Variants in PPARG observed in about 807,000 individuals in gnomAD.
PPARG encodes the protein peroxisome proliferator-activated receptor gamma.
In PPARG, 17 loss-of-function variants were observed where a neutral mutation model predicts 39.2. The ratio of observed to expected loss-of-function variants is 0.43; its 90% CI spans 0.30 to 0.65. The LOEUF is 0.65. Ranked by LOEUF, PPARG falls within the 30% of genes least tolerant of loss-of-function variation. The pLI is 0.13. For synonymous variants in PPARG, 223 were observed against 215.7 expected (o/e 1.03, Z -0.30); for missense variants, 406 against 585.9 (o/e 0.69, Z 3.17).
At chr3:12,396,994 C>T (rs887181667) in intron 5 of PPARG, among the ~76,000 whole-genome samples, 1 of 152,004 alleles carries the variant, frequency 6.6e-6, no homozygotes, top group Non-Finnish European at 1.5e-5. Context: ...CTGCACCTGA[C>T]CTATTTAAGA....
At chr3:12,349,801 A>G (rs1360249825) in intron 2 of PPARG, among the ~76,000 whole-genome samples, 1 of 152,210 alleles carries the variant, frequency 6.6e-6, no homozygotes, top group Non-Finnish European at 1.5e-5. Context: ...GATGCTATGG[A>G]ATAATAAATT....
At chr3:12,304,829 A>G (rs998900692) in intron 1 of PPARG, among the ~76,000 whole-genome samples, 2 of 152,212 alleles carry the variant, frequency 1.3e-5, no homozygotes, top group Non-Finnish European at 1.5e-5. Context: ...TCGCATTTAT[A>G]TGTAATAACA....
rs777385857 is a variant in PPARG at position 12,320,020 on chromosome 3, G to A, written c.-9+7567G>A. Among the ~76,000 whole-genome samples, 4 of 152,204 alleles carry A rather than the reference G, an allele frequency of 2.6e-5. No individual in the cohort carries two copies. The East Asian group carries it at 5.8e-4, about 22-fold the overall frequency. On this transcript the variant is annotated intron_variant, in intron 2 of 7. Coordinates refer to ENST00000651735, the MANE Select transcript of PPARG (RefSeq NM_138711.6). ...CTCGAGCTAACAGTCACCGGTACACGCTAATCAGTGCCCCACTCACTGGTC... is the reference window on the plus strand; with the variant it reads ...CTCGAGCTAACAGTCACCGGTACACACTAATCAGTGCCCCACTCACTGGTC...
intron 4 of PPARG, among the ~76,000 whole-genome samples, chr3:12,383,113 C>G (rs2049743458): frequency 6.6e-6 from 1 of 152,212 alleles, no homozygotes; most frequent in African/African-American, 2.4e-5. Context: ...AGCTCTGCCA[C>G]TTTCCAAAGT....
chr3:12,429,259 C>T (rs952116362), intron 7 of PPARG, among the ~76,000 whole-genome samples: 1 of 152,160 alleles, frequency 6.6e-6, no homozygotes, highest in South Asian at 2.1e-4. Flanking sequence ...AACCAGATCC[C>T]TCTCCACTCC....
At chr3:12,329,877 G>A (rs1438781377) in intron 2 of PPARG, among the ~76,000 whole-genome samples, 1 of 152,084 alleles carries the variant, frequency 6.6e-6, no homozygotes, top group Non-Finnish European at 1.5e-5. Flanking sequence ...TCATATAAGT[G>A]GACTCATATA....
intron 1 of PPARG, among the ~76,000 whole-genome samples, chr3:12,306,478 A>G (rs1034486902): frequency 1.3e-5 from 2 of 152,234 alleles, no homozygotes; most frequent in East Asian, 3.9e-4. Context: ...AAAAACTAGG[A>G]TTTGAACCCA....
intron 6 of PPARG, among the ~76,000 whole-genome samples, chr3:12,411,982 GCA>G (rs1352125933): frequency 6.6e-6 from 1 of 152,142 alleles, no homozygotes; most frequent in East Asian, 1.9e-4. Flanking sequence ...ACTCGATGAG[GCA>G]CACATTTTTC....
intron 2 of PPARG, among the ~76,000 whole-genome samples, chr3:12,313,744 C>A (rs902056337): frequency 6.6e-6 from 1 of 152,108 alleles, no homozygotes; most frequent in African/African-American, 2.4e-5. Context: ...AAAGCTGGAA[C>A]AATTTCATCA....
chr3:12,351,213 A>T (rs2048476044), intron 2 of PPARG, among the ~76,000 whole-genome samples: 1 of 152,228 alleles, frequency 6.6e-6, no homozygotes, highest in Admixed American at 6.5e-5. Context: ...ATGCAAGTGG[A>T]TATTGAACAG....
At chr3:12,304,305 C>A (rs945847648) in intron 1 of PPARG, among the ~76,000 whole-genome samples, 1 of 152,172 alleles carries the variant, frequency 6.6e-6, no homozygotes, top group Non-Finnish European at 1.5e-5. Flanking sequence ...GGTGAAATAA[C>A]TTTTATTATT....
intron 7 of PPARG, among the ~76,000 whole-genome samples, chr3:12,419,651 T>C (rs564201962): frequency 5.8e-4 from 88 of 152,002 alleles, no homozygotes; most frequent in African/African-American, 2.0e-3. Flanking sequence ...GCATTTTTAC[T>C]AGAGACAGGG....
At position 12,416,684 on chromosome 3, in the gene PPARG, T is replaced by C. The variant is rs755968046; in HGVS notation, c.730-20T>C. 1.2e-6 allele frequency: 2 copies of C among 1,607,432 alleles called. No homozygotes were observed. The highest frequency in any genetic ancestry group is 3.4e-5 in the Admixed American group (2 of 59,548). On this transcript the variant is annotated intron_variant, in intron 6 of 7. Coordinates refer to ENST00000651735, the MANE Select transcript of PPARG (RefSeq NM_138711.6). ...TTAGAAATCTCCAAGTCATCCACGT[T>C]TTCCCTGTTTTATTTGCAGCCATTC...
chr3:12,412,177 C>T (rs967869605), intron 6 of PPARG, among the ~76,000 whole-genome samples: 8 of 152,234 alleles, frequency 5.3e-5, no homozygotes, highest in African/African-American at 1.9e-4. Context: ...GGAGTGTAAA[C>T]TTAGGGCATT....
chr3:12,390,637 C>CTTTTTTTTTT (rs35190152), intron 4 of PPARG, among the ~76,000 whole-genome samples: 3 of 92,354 alleles, frequency 3.2e-5, no homozygotes, highest in East Asian at 3.1e-4. Flanking sequence ...TATTTTCTTC[C>CTTTTTTTTTT]TTTTTTTTTT....
chr3:12,314,268 C>A (rs1396782796), intron 2 of PPARG, among the ~76,000 whole-genome samples: 1 of 149,450 alleles, frequency 6.7e-6, no homozygotes, highest in Non-Finnish European at 1.5e-5. Flanking sequence ...CAGCAAGACT[C>A]CCTCTCAAAA....
intron 5 of PPARG, among the ~76,000 whole-genome samples, chr3:12,396,208 G>A (rs944515719): frequency 9.9e-5 from 15 of 151,664 alleles, no homozygotes; most frequent in African/African-American, 2.2e-4. Flanking sequence ...TGCAACCTCC[G>A]CCTCCCAGGT....
At chr3:12,409,068 G>A (rs961446298) in intron 6 of PPARG, among the ~76,000 whole-genome samples, 1 of 152,198 alleles carries the variant, frequency 6.6e-6, no homozygotes, top group African/African-American at 2.4e-5. Context: ...CAAGTTCAGA[G>A]GCCAAGCGTT....
chr3:12,416,789 G>C lies in PPARG; in HGVS notation c.815G>C (p.Ser272Thr), dbSNP rs765948672. 6.2e-7 allele frequency: 1 copy of C among 1,614,116 alleles called. No individual in the cohort carries two copies. The highest frequency in any genetic ancestry group is 8.5e-7 in the Non-Finnish European group (1 of 1,179,984). The part of the protein sequence containing the change: ...FKHITPLQEQ[S>T]KEVAIRIFQG... ...CACATCACCCCCCTGCAGGAGCAGA[G>C]CAAAGAGGTGGCCATCCGCATCTTT... The change falls in exon 7 of 8, where the codon AGC (serine) becomes ACC (threonine). Residue 272 changes from serine to threonine, a missense_variant. Coordinates refer to ENST00000651735, the MANE Select transcript of PPARG (RefSeq NM_138711.6).
Sources: allele counts gnomAD v4.1 joint callset (sites outside exome capture counted in the v4.1 genomes callset), GRCh38; gene constraint gnomAD v4.1.1; transcripts MANE v1.5; gene names NCBI Gene and HGNC (gene_info 2026-07-23, HGNC 2026-07-21).